TMEM87A: variants seen among roughly 807,000 people sequenced by gnomAD.
TMEM87A encodes the protein transmembrane protein 87A.
TMEM87A carries 50 observed loss-of-function variants against 90.0 expected under a neutral mutation model. That is an observed-to-expected ratio of 0.56 (90% CI 0.44 to 0.70). The LOEUF (loss-of-function observed/expected upper bound fraction) is 0.70, where lower values mean the gene tolerates loss of function less well. Ranked by LOEUF, TMEM87A falls within the 30% of genes least tolerant of loss-of-function variation. The pLI is 0.00. For missense variants in TMEM87A, 577 were observed against 660.5 expected, an observed-to-expected ratio of 0.87 and a Z score of 1.39; for synonymous variants, 226 against 226.7, an observed-to-expected ratio of 1.00 and a Z score of 0.03.
chr15:42,220,117 C>A lies in TMEM87A; in HGVS notation c.1422G>T (p.Leu474Phe). The A allele has an allele frequency of 6.2e-7, 1 of 1,606,310 alleles. No homozygotes were observed. Among genetic ancestry groups the A allele is most frequent in the Non-Finnish European group, 8.5e-7 (1 of 1,177,788 alleles). Residue 474 changes from leucine (L) to phenylalanine (F), a missense_variant, in exon 16 of 20, where the codon TTG becomes TTT. Coordinates refer to ENST00000389834, the MANE Select transcript of TMEM87A (RefSeq NM_015497.5). ...ANNQRFAFSP[L>F]SEEEEEDEQK... The stretch of plus-strand genomic sequence containing the variant: ...GTTCATCCTCCTCCTCTTCCTCAGA[C>A]AATGGTGAAAAGGCAAACCTAACAG...
At chr15:42,270,289 G>C (rs2051493873) in intron 2 of TMEM87A, among the ~76,000 whole-genome samples, 1 of 151,986 alleles carries the variant, frequency 6.6e-6, no homozygotes, top group Non-Finnish European at 1.5e-5. Context: ...AGAATCGCTT[G>C]AACCCAGGAA....
intron 10 of TMEM87A, 131 bp from the exon 11 acceptor site, chr15:42,233,437 T>G: frequency 1.6e-6 from 1 of 636,560 alleles, no homozygotes; most frequent in South Asian, 2.1e-5. Flanking sequence ...TTGATTCACC[T>G]AAGAGAAAAA....
chr15:42,247,226 T>G (rs2050994727), intron 6 of TMEM87A, among the ~76,000 whole-genome samples: 1 of 152,228 alleles, frequency 6.6e-6, no homozygotes, highest in African/African-American at 2.4e-5. Flanking sequence ...AAAAATTTTC[T>G]CCTATTCTGC....
chr15:42,247,497 C>G (rs2050999555), intron 6 of TMEM87A, among the ~76,000 whole-genome samples: 1 of 152,186 alleles, frequency 6.6e-6, no homozygotes, highest in South Asian at 2.1e-4. Context: ...TTTCAGCTTT[C>G]TACATATGCC....
At chr15:42,267,893 G>A in intron 3 of TMEM87A, 54 bp downstream of exon 3, 2 of 1,414,616 alleles carry the variant, frequency 1.4e-6, no homozygotes, top group South Asian at 2.4e-5. Context: ...TTAAGAGACT[G>A]GAACCAGATA....
intron 6 of TMEM87A, among the ~76,000 whole-genome samples, chr15:42,247,074 T>C (rs910680695): frequency 2.6e-5 from 4 of 152,260 alleles, no homozygotes; most frequent in African/African-American, 9.6e-5. Flanking sequence ...CATGTGTCTG[T>C]TGGCTGCATA....
At chr15:42,246,882 A>G (rs992713220) in intron 6 of TMEM87A, among the ~76,000 whole-genome samples, 4 of 152,178 alleles carry the variant, frequency 2.6e-5, no homozygotes, top group Non-Finnish European at 5.9e-5. Flanking sequence ...GTCTTCCACA[A>G]TGGCTGAACT....
chr15:42,252,429 C>T (rs1162940282), intron 6 of TMEM87A, among the ~76,000 whole-genome samples: 1 of 152,174 alleles, frequency 6.6e-6, no homozygotes, highest in Non-Finnish European at 1.5e-5. Context: ...ATTTTATGAA[C>T]ATACAACATT....
At chr15:42,233,821 C>T (rs1266517076) in intron 10 of TMEM87A, among the ~76,000 whole-genome samples, 7 of 152,086 alleles carry the variant, frequency 4.6e-5, no homozygotes, top group Non-Finnish European at 8.8e-5. Flanking sequence ...CTATCGCCCA[C>T]GCTGAAGTGC....
intron 6 of TMEM87A, chr15:42,259,017 G>A (rs538616277): frequency 2.6e-6 from 2 of 759,244 alleles, no homozygotes; most frequent in Non-Finnish European, 4.7e-6. Context: ...AGCTTGAGAT[G>A]TCTGTGTTCA....
chr15:42,231,147 G>A (rs201755386), intron 12 of TMEM87A, 45 bp downstream of exon 12: 2 of 1,464,804 alleles, frequency 1.4e-6, no homozygotes, highest in Non-Finnish European at 1.9e-6. Flanking sequence ...CCCATCTCAA[G>A]GGGAGAAAAT....
At chr15:42,224,579 C>T (rs1412167963) in intron 15 of TMEM87A, 2 of 152,236 alleles carry the variant, frequency 1.3e-5, no homozygotes, top group African/African-American at 4.8e-5. Context: ...CTGTACGCTG[C>T]ATCCCATGAG....
chr15:42,271,935 A>C (rs2051538138), intron 2 of TMEM87A, 128 bp downstream of exon 2: 1 of 747,026 alleles, frequency 1.3e-6, no homozygotes, highest in Non-Finnish European at 2.2e-6. Flanking sequence ...CCTTAGTAAT[A>C]CTAAAAATAT....
intron 12 of TMEM87A, 38 bp from the exon 13 acceptor site, chr15:42,228,858 A>G (rs537037403): frequency 1.4e-6 from 2 of 1,447,978 alleles, no homozygotes; most frequent in African/African-American, 1.4e-5. Context: ...TCAGGAAAAA[A>G]CAGTAAGCTA....
At chr15:42,229,929 A>G (rs1351129867) in intron 12 of TMEM87A, among the ~76,000 whole-genome samples, 1 of 152,122 alleles carries the variant, frequency 6.6e-6, no homozygotes, top group African/African-American at 2.4e-5. Flanking sequence ...GGGCTCAAGC[A>G]ATTCTCCTGC....
Position 42,211,674 on chromosome 15 carries a change from G to GC in TMEM87A, c.*33_*34insG, listed in dbSNP as rs756051993. The GC allele has an allele frequency of 1.9e-6, 3 of 1,604,832 alleles. No individual in the cohort carries two copies. In the South Asian group the frequency reaches 3.3e-5, roughly 18 times the overall value. On this transcript the variant is annotated 3_prime_UTR_variant, in exon 20 of 20. Transcript: ENST00000389834. ...CACAGATGCTGATCTCTTCCCTGAT[G>GC]GTAGCCATCTTTAACTGCAAATCTT... is the stretch of plus-strand genomic sequence containing the variant.
At position 42,243,973 on chromosome 15, in the gene TMEM87A, A is replaced by T. The variant is rs561501735; in HGVS notation, c.622+77T>A. Reference sequence around the variant, plus strand: ...AGAAATCTGATACCTGTAATACCTAATAAAAAAGCATATGTAAAGTACATG... The same window carrying T: ...AGAAATCTGATACCTGTAATACCTATTAAAAAAGCATATGTAAAGTACATG... On this transcript the variant is annotated intron_variant, in intron 7 of 19. Transcript: ENST00000389834. 11 of 847,276 alleles carry T rather than the reference A, an allele frequency of 1.3e-5. No individual in the cohort carries two copies. The East Asian group carries it at 3.2e-4, about 24-fold the overall frequency. 52.5% of individuals were successfully genotyped at this position (847,276 alleles called of 1,614,324 possible).
intron 11 of TMEM87A, 32 bp from the exon 12 acceptor site, chr15:42,231,292 C>G (rs367587063): frequency 2.0e-6 from 3 of 1,537,738 alleles, no homozygotes; most frequent in East Asian, 5.0e-5. Context: ...TGGTGAAAAA[C>G]AGATGTCTAG....
intron 2 of TMEM87A, among the ~76,000 whole-genome samples, chr15:42,269,163 T>C (rs898734468): frequency 1.3e-5 from 2 of 152,194 alleles, no homozygotes; most frequent in African/African-American, 4.8e-5. Flanking sequence ...AATCTGACTA[T>C]ATGACTGATT....
Sources: gnomAD v4.1 joint callset for allele counts (sites outside exome capture counted in the v4.1 genomes callset) on GRCh38, gnomAD v4.1.1 for gene constraint, MANE v1.5 for transcripts, NCBI Gene and HGNC (gene_info 2026-07-23, HGNC 2026-07-21) for gene names.